MGA: variants seen among roughly 807,000 people sequenced by gnomAD.
The protein encoded by MGA is MAX gene-associated protein.
In MGA, 40 loss-of-function variants were observed where a neutral mutation model predicts 261.1. The observed-to-expected ratio is 0.15, with a 90% CI of 0.12 to 0.20. The LOEUF (loss-of-function observed/expected upper bound fraction) is 0.20. Ranked by LOEUF, MGA falls within the 10% of genes least tolerant of loss-of-function variation. The pLI is 1.00. For missense variants in MGA, 3,397 were observed against 3,630.5 expected (o/e 0.94, Z 1.65); for synonymous variants, 1,302 against 1,290.6 (o/e 1.01, Z -0.19).
rs1006062754 is a variant in MGA, at chr15:41,757,941, C to T, written c.7191+102C>T. The stretch of plus-strand genomic sequence containing the variant: ...AGCTATATTAGCCACGATTTTTTCT[C>T]AGGGCTATTTTTGCCAGTGAGTTAA... On this transcript the variant is annotated intron_variant, in intron 19 of 23. Coordinates refer to ENST00000219905, the MANE Select transcript of MGA (RefSeq NM_001164273.2). 8.3e-6 allele frequency: 8 copies of T among 967,320 alleles called. No individual in the cohort carries two copies. The Admixed American group carries it at 1.7e-4, about 21-fold the overall frequency. 59.9% of individuals were successfully genotyped at this position (967,320 alleles called of 1,614,324 possible).
intron 18 of MGA, 32 bp downstream of exon 18, chr15:41,754,599 T>A: frequency 1.3e-6 from 2 of 1,510,042 alleles, no homozygotes; most frequent in South Asian, 2.6e-5. Flanking sequence ...ATTGTTGTTT[T>A]TGTAGTTTTG....
chr15:41,674,809 C>T (rs927521683), intron 2 of MGA, among the ~76,000 whole-genome samples: 5 of 152,222 alleles, frequency 3.3e-5, no homozygotes, highest in East Asian at 1.9e-4. Context: ...TGAGCCACGG[C>T]GCCCGGCCAA....
upstream of MGA, among the ~76,000 whole-genome samples, chr15:41,656,361 T>TCTCTCTCTCTCTC: frequency 1.5e-5 from 2 of 134,782 alleles, no homozygotes; most frequent in Admixed American, 1.5e-4. Context: ...TCTCTCTCTC[T>TCTCTCTCTCTCTC]CTCTCTCTCT....
At chr15:41,763,052 A>T (rs1340370608) in intron 22 of MGA, among the ~76,000 whole-genome samples, 1 of 150,696 alleles carries the variant, frequency 6.6e-6, no homozygotes, top group Non-Finnish European at 1.5e-5. Context: ...TTTTTTGTAA[A>T]ATTTAATTTT....
At chr15:41,694,607 A>G (rs926012167) in intron 2 of MGA, among the ~76,000 whole-genome samples, 1 of 151,334 alleles carries the variant, frequency 6.6e-6, no homozygotes, top group African/African-American at 2.4e-5. Flanking sequence ...GCTCACTGCA[A>G]GCTCCGCCTC....
At chr15:41,646,637 G>A (rs951530630) in intron 1 of MGA, among the ~76,000 whole-genome samples, 3 of 151,922 alleles carry the variant, frequency 2.0e-5, no homozygotes, top group Non-Finnish European at 2.9e-5. Context: ...TTGAACCTGG[G>A]AGGTGGAGGT....
Position 41,652,231 on chromosome 15 carries a change from C to T in MGA, c.-67-16597C>T, listed in dbSNP as rs915299717. On this transcript the variant is annotated intron_variant, in intron 1 of 8. Transcript: ENST00000566718. ...CTCGTGATCCACCCGCCTCAGCCTC[C>T]GAAAGTGCTGGGATTACAGGCGTGA... 3.8e-4 allele frequency among the ~76,000 whole-genome samples: 57 copies of T among 150,760 alleles called. 1 individual carries two copies. The highest frequency in any genetic ancestry group is 2.1e-3 in the Admixed American group (32 of 15,162).
chr15:41,644,392 A>C (rs1304229622), intron 1 of MGA, among the ~76,000 whole-genome samples: 1 of 150,404 alleles, frequency 6.6e-6, no homozygotes, highest in African/African-American at 2.4e-5. Context: ...GTGGTGGCTC[A>C]CATCTGTAAT....
At chr15:41,761,989 G>A in intron 21 of MGA, 139 bp downstream of exon 21, 3 of 1,001,600 alleles carry the variant, frequency 3.0e-6, no homozygotes, top group Non-Finnish European at 4.4e-6. Context: ...ACTGGGTGGT[G>A]GGTTGTTTCT....
intron 2 of MGA, among the ~76,000 whole-genome samples, chr15:41,672,402 G>T (rs2058109898): frequency 6.6e-6 from 1 of 152,174 alleles, no homozygotes; most frequent in Admixed American, 6.5e-5. Flanking sequence ...CGATCTGTCA[G>T]CCTTGGCCTT....
At chr15:41,643,912 C>G (rs909736029) in intron 1 of MGA, among the ~76,000 whole-genome samples, 2 of 151,538 alleles carry the variant, frequency 1.3e-5, no homozygotes, top group East Asian at 3.8e-4. Context: ...AAGGTTGTGA[C>G]TCTTTCTCAT....
Position 41,769,562 on chromosome 15 carries a change from A to G in MGA, c.*2282A>G, listed in dbSNP as rs911669010. On this transcript the variant is annotated 3_prime_UTR_variant, in exon 24 of 24. Coordinates refer to ENST00000219905, the MANE Select transcript of MGA (RefSeq NM_001164273.2). Reference sequence around the variant, plus strand: ...CCTGCAGTCTTGACAGAAATCTAAAATCTCCAAAAACTCCTACCCTTTAAC... The same window carrying G: ...CCTGCAGTCTTGACAGAAATCTAAAGTCTCCAAAAACTCCTACCCTTTAAC... 51 of 152,338 alleles carry G rather than the reference A, an allele frequency of 3.3e-4. No homozygotes were observed. Among genetic ancestry groups the G allele is most frequent in the African/African-American group, 1.2e-3 (49 of 41,406 alleles). 9.4% of individuals were successfully genotyped at this position (152,338 alleles called of 1,614,324 possible). A position where few individuals can be genotyped will look rare whatever the true frequency, so the allele number is the denominator to read the frequency against.
chr15:41,670,508 G>A (rs1451159211), intron 2 of MGA, among the ~76,000 whole-genome samples: 1 of 152,058 alleles, frequency 6.6e-6, no homozygotes, highest in Non-Finnish European at 1.5e-5. Context: ...GAAAGAGTAA[G>A]CATACTATTT....
intron 5 of MGA, among the ~76,000 whole-genome samples, chr15:41,701,172 T>C (rs1306963874): frequency 1.3e-5 from 2 of 152,220 alleles, no homozygotes; most frequent in Non-Finnish European, 2.9e-5. Context: ...TTTCTCCCTA[T>C]CTTTTTTTCT....
rs2060475679 is a variant in MGA at position 41,713,379 on chromosome 15, C to T, written c.3313C>T (p.His1105Tyr). Reference sequence around the variant, plus strand: ...TAAGCATTTTCAGAGGAAGGCTGCTCATCGAGATCCAGTATTTTATGATAC... The same window carrying T: ...TAAGCATTTTCAGAGGAAGGCTGCTTATCGAGATCCAGTATTTTATGATAC... The change falls in exon 9 of 24, where the codon CAT becomes TAT. Residue 1105 changes from histidine (H) to tyrosine (Y), a missense_variant. Physicochemically the swap from His to Tyr is moderately conservative, Grantham distance 83. Around this residue, in one of 9 missense-constraint regions of MGA, gnomAD observed 519 missense variants for 554.1 expected, o/e 0.94. Coordinates refer to ENST00000219905, the MANE Select transcript of MGA (RefSeq NM_001164273.2). 1.2e-6 allele frequency: 2 copies of T among 1,610,410 alleles called. No individual in the cohort carries two copies. The highest frequency in any genetic ancestry group is 8.5e-7 in the Non-Finnish European group (1 of 1,178,196).
chr15:41,708,434 C>T (rs1288704981), intron 7 of MGA, among the ~76,000 whole-genome samples: 3 of 152,140 alleles, frequency 2.0e-5, no homozygotes, highest in Non-Finnish European at 4.4e-5. Context: ...TCTTCTGCCT[C>T]AGCCTCCCAA....
chr15:41,694,348 G>A (rs2059440980), intron 2 of MGA, among the ~76,000 whole-genome samples: 1 of 151,964 alleles, frequency 6.6e-6, no homozygotes, highest in Admixed American at 6.6e-5. Flanking sequence ...CCTTGGAGGT[G>A]GAGGTTGCCA....
intron 3 of MGA, among the ~76,000 whole-genome samples, chr15:41,698,062 G>A (rs2059636044): frequency 6.8e-6 from 1 of 146,272 alleles, no homozygotes; most frequent in African/African-American, 2.7e-5. Flanking sequence ...AGTAGAGACG[G>A]GGTTTCACCA....
rs746785834 is a variant in MGA, at chr15:41,749,579, A to C, written c.5972A>C (p.Lys1991Thr). 3 of 1,613,974 alleles carry C rather than the reference A, an allele frequency of 1.9e-6. No homozygotes were observed. Among genetic ancestry groups the C allele is most frequent in the Non-Finnish European group, 2.5e-6 (3 of 1,179,884 alleles). ...TCAATAAAAAGAGAGCAAGAAACGA[A>C]GAAGGTTCTACAGTCAGAAGGAGAG... The change falls in exon 17 of 24, where the codon AAG (lysine) becomes ACG (threonine). Residue 1991 changes from lysine to threonine, a missense_variant. Physicochemically the swap from Lys to Thr is moderately conservative, Grantham distance 78 (BLOSUM62 -1). This residue lies in a region of MGA where 1,410 missense variants were observed against 1,386.4 expected (regional missense o/e 1.02). Coordinates refer to ENST00000219905, the MANE Select transcript of MGA (RefSeq NM_001164273.2).
Sources: gnomAD v4.1 joint callset for allele counts (sites outside exome capture counted in the v4.1 genomes callset) on GRCh38, gnomAD v4.1.1 for gene constraint, gnomAD v4.1.1 regional missense constraint, MANE v1.5 for transcripts, NCBI Gene and HGNC (gene_info 2026-07-23, HGNC 2026-07-21) for gene names.